Variants in UIMC1 observed in about 807,000 individuals in gnomAD.
The protein encoded by UIMC1 is ubiquitin interaction motif containing 1, also known as BRCA1-A complex subunit RAP80.
In UIMC1, 42 loss-of-function variants were observed where a neutral mutation model predicts 84.9. The ratio of observed to expected loss-of-function variants is 0.49; its 90% CI spans 0.39 to 0.64. The LOEUF is 0.64. UIMC1 is among the 30% of genes least tolerant of loss of function. The pLI is 0.00. For synonymous variants in UIMC1, 281 were observed against 293.0 expected (o/e 0.96, Z 0.42); for missense variants, 825 against 847.6 (o/e 0.97, Z 0.33).
intron 1 of UIMC1, among the ~76,000 whole-genome samples, chr5:176,985,243 G>GT (rs1244243100): frequency 6.6e-6 from 1 of 151,886 alleles, no homozygotes; most frequent in Non-Finnish European, 1.5e-5. Flanking sequence ...ATCATTTGAC[G>GT]TGAGGAGTTG....
chr5:176,986,246 C>G (rs138472718), intron 1 of UIMC1, among the ~76,000 whole-genome samples: 1,625 of 151,028 alleles, frequency 0.011, 11 homozygotes, highest in South Asian at 0.025. Flanking sequence ...TATAATCCCA[C>G]CTAATCCAGA....
chr5:177,012,054 C>A (rs532398787), intron 1 of UIMC1, among the ~76,000 whole-genome samples: 1 of 152,280 alleles, frequency 6.6e-6, no homozygotes, highest in South Asian at 2.1e-4. Context: ...CCCGTCTTGG[C>A]CTCCCAAAGT....
At chr5:177,012,166 C>T (rs949394479) in intron 1 of UIMC1, among the ~76,000 whole-genome samples, 1 of 152,078 alleles carries the variant, frequency 6.6e-6, no homozygotes, top group Non-Finnish European at 1.5e-5. Context: ...TTCCTAGCAT[C>T]GAATCTCAAT....
At chr5:176,959,746 C>T (rs1436262073) in intron 6 of UIMC1, among the ~76,000 whole-genome samples, 1 of 139,624 alleles carries the variant, frequency 7.2e-6, no homozygotes, top group African/African-American at 2.7e-5. Context: ...AATTATTGTG[C>T]TTTGGCCAGG....
At chr5:177,006,307 C>T (rs902363753) in intron 1 of UIMC1, 8 of 152,500 alleles carry the variant, frequency 5.2e-5, no homozygotes, top group African/African-American at 1.9e-4. Context: ...AGGACCCAGC[C>T]CCGGCATCTG....
At chr5:176,949,811 G>A (rs1238950469) in intron 9 of UIMC1, among the ~76,000 whole-genome samples, 3 of 152,146 alleles carry the variant, frequency 2.0e-5, no homozygotes, top group Non-Finnish European at 4.4e-5. Flanking sequence ...TGTAATCCCA[G>A]CACTTTGGGA....
chr5:176,973,076 C>T (rs561140713), intron 3 of UIMC1, among the ~76,000 whole-genome samples: 10 of 151,964 alleles, frequency 6.6e-5, no homozygotes, highest in Middle Eastern at 3.4e-3. Context: ...CCACCAGGCC[C>T]GGCTAATTTT....
intron 2 of UIMC1, chr5:176,980,018 C>T (rs897151818): frequency 6.6e-6 from 1 of 152,158 alleles, no homozygotes; most frequent in African/African-American, 2.4e-5. Context: ...GCAAATTTGT[C>T]TCTCTCCTGG....
chr5:176,915,885 G>A (rs1561725572), intron 10 of UIMC1, among the ~76,000 whole-genome samples: 1 of 151,732 alleles, frequency 6.6e-6, no homozygotes, highest in Non-Finnish European at 1.5e-5. Context: ...AGAGCAGGCT[G>A]CCTCTCCTGG....
At chr5:176,977,175 A>T (rs1462304048) in intron 2 of UIMC1, among the ~76,000 whole-genome samples, 2 of 150,442 alleles carry the variant, frequency 1.3e-5, no homozygotes, top group African/African-American at 4.9e-5. Flanking sequence ...GTGAGCCAAG[A>T]TCGCGCCACT....
intron 9 of UIMC1, among the ~76,000 whole-genome samples, chr5:176,948,336 T>A (rs1168712925): frequency 6.6e-6 from 1 of 152,222 alleles, no homozygotes; most frequent in Non-Finnish European, 1.5e-5. Context: ...TAATAAACAG[T>A]AATATATTAC....
chr5:176,954,564 G>A (rs551068398), intron 8 of UIMC1, among the ~76,000 whole-genome samples: 7 of 151,432 alleles, frequency 4.6e-5, no homozygotes, highest in Admixed American at 6.6e-5. Flanking sequence ...CCAAGACCTC[G>A]TCTCTACTAA....
At chr5:176,972,220 GA>G (rs1180498164) in intron 3 of UIMC1, among the ~76,000 whole-genome samples, 9 of 151,334 alleles carry the variant, frequency 5.9e-5, no homozygotes. Context: ...CTAACACGGT[GA>G]AACCCCGTCT....
intron 10 of UIMC1, among the ~76,000 whole-genome samples, chr5:176,931,033 G>A (rs2149423463): frequency 6.6e-6 from 1 of 152,342 alleles, no homozygotes; most frequent in African/African-American, 2.4e-5. Flanking sequence ...ATGGAAGGCA[G>A]AAAGAACACA....
At chr5:176,923,423 G>A (rs1037139357) in intron 10 of UIMC1, among the ~76,000 whole-genome samples, 15 of 152,108 alleles carry the variant, frequency 9.9e-5, no homozygotes, top group Non-Finnish European at 2.1e-4. Context: ...CGTGGCACAT[G>A]CTTGTAATCC....
chr5:176,943,634 A>T, intron 9 of UIMC1, 146 bp from the exon 10 acceptor site: 1 of 1,007,920 alleles, frequency 9.9e-7, no homozygotes, highest in Non-Finnish European at 1.5e-6. Context: ...ATTGAGAGAT[A>T]CTACTGATAG....
intron 1 of UIMC1, among the ~76,000 whole-genome samples, chr5:176,998,634 G>T (rs528666277): frequency 6.6e-6 from 1 of 151,894 alleles, no homozygotes; most frequent in Admixed American, 6.6e-5. Flanking sequence ...AGGCGTGGTG[G>T]TGCATGCCTG....
In UIMC1 at chr5:176,960,769, G is replaced by C. The variant is rs1170388198; in HGVS notation, c.1201-2615C>G. ...TGATTCTCCTGCCTCAGCCTGCCGA[G>C]TGCCTGCGATTGCAGGCACGCGCCG... On this transcript the variant is annotated intron_variant, in intron 6 of 14. Transcript: ENST00000511320. 6.8e-5 allele frequency among the ~76,000 whole-genome samples: 4 copies of C among 59,092 alleles called. 1 individual carries two copies. The highest frequency in any genetic ancestry group is 4.3e-4 in the East Asian group (1 of 2,326). The allele number at this position is 59,092 out of a possible 152,430, so 38.8% of individuals were successfully genotyped here.
At chr5:176,953,116 C>T (rs986042088) in intron 8 of UIMC1, among the ~76,000 whole-genome samples, 1 of 152,102 alleles carries the variant, frequency 6.6e-6, no homozygotes, top group Non-Finnish European at 1.5e-5. Flanking sequence ...GAGGACACAG[C>T]GGGAAGTTGT....
Sources: gnomAD v4.1 joint callset for allele counts (sites outside exome capture counted in the v4.1 genomes callset) on GRCh38, gnomAD v4.1.1 for gene constraint, MANE v1.5 for transcripts, NCBI Gene and HGNC (gene_info 2026-07-23, HGNC 2026-07-21) for gene names.